NEDD1: variants seen among roughly 807,000 people sequenced by gnomAD.
NEDD1 encodes the protein NEDD1 gamma-tubulin ring complex targeting factor.
In NEDD1, 33 loss-of-function variants were observed where a neutral mutation model predicts 74.0. That is an observed-to-expected ratio of 0.45 (90% CI 0.34 to 0.60). NEDD1 has a LOEUF of 0.60. Among genes scored for constraint, NEDD1 ranks in the 20% least tolerant of loss-of-function variants. The probability of loss-of-function intolerance (pLI) is 0.01; values close to 1 mark genes in which losing one functional copy is unlikely to be tolerated. For synonymous variants in NEDD1, 250 were observed against 264.4 expected (o/e 0.95, Z 0.53); for missense variants, 746 against 776.5 (o/e 0.96, Z 0.47).
rs1465601091 is a variant in NEDD1, at chr12:96,907,717, G to T, written c.-148G>T. On this transcript the variant is annotated 5_prime_UTR_variant, in exon 2 of 16. Transcript: ENST00000266742. ...TTCATTTCAGCTGAGTGGTGTAGTTGAATTGGTTCCTGTAGCCGCTGTCCC... is the reference window on the plus strand; with the variant it reads ...TTCATTTCAGCTGAGTGGTGTAGTTTAATTGGTTCCTGTAGCCGCTGTCCC... The T allele has an allele frequency of 1.3e-6, 2 of 1,550,176 alleles. No homozygotes were observed. Among genetic ancestry groups the T allele is most frequent in the Non-Finnish European group, 1.7e-6 (2 of 1,146,372 alleles).
chr12:96,939,505 C>T (rs1353405840), intron 9 of NEDD1, among the ~76,000 whole-genome samples: 1 of 152,014 alleles, frequency 6.6e-6, no homozygotes, highest in African/African-American at 2.4e-5. Flanking sequence ...TTTGGATATG[C>T]AGGCTGTTCT....
At chr12:96,932,752 G>A (rs1340737820) in intron 6 of NEDD1, among the ~76,000 whole-genome samples, 1 of 151,430 alleles carries the variant, frequency 6.6e-6, no homozygotes, top group Non-Finnish European at 1.5e-5. Flanking sequence ...GGGTACATAA[G>A]CAATGATGAG....
In NEDD1 at chr12:96,929,674, C is replaced by T. The variant is rs1221741773; in HGVS notation, c.490-5302C>T. Among the ~76,000 whole-genome samples, 3 of 147,566 alleles carry T rather than the reference C, an allele frequency of 2.0e-5. No individual in the cohort carries two copies. The Admixed American group carries it at 2.1e-4, about 10-fold the overall frequency. ...TCTGGGGTTCCCTGACTCTGCTCTA[C>T]TTTTCCACCTGTCTGTGAACCTTTG... On this transcript the variant is annotated intron_variant, in intron 6 of 15. Transcript: ENST00000266742.
At chr12:96,914,328 T>C (rs1045346402) in intron 4 of NEDD1, among the ~76,000 whole-genome samples, 1 of 152,226 alleles carries the variant, frequency 6.6e-6, no homozygotes, top group Non-Finnish European at 1.5e-5. Context: ...GGGAGCTTTT[T>C]TTTTAAAGTA....
intron 3 of NEDD1, among the ~76,000 whole-genome samples, chr12:96,910,577 G>C (rs1873816444): frequency 6.6e-6 from 1 of 152,162 alleles, no homozygotes; most frequent in Non-Finnish European, 1.5e-5. Context: ...TGAACCCTGT[G>C]CTATTGACTT....
Position 96,907,703 on chromosome 12 carries a change from T to C in NEDD1, c.-162T>C. On this transcript the variant is annotated 5_prime_UTR_variant, in exon 2 of 16. Coordinates refer to ENST00000266742, the MANE Select transcript of NEDD1 (RefSeq NM_152905.4). ...AAAGTTGGAGAACTTTCATTTCAGC[T>C]GAGTGGTGTAGTTGAATTGGTTCCT... 1.3e-6 allele frequency: 2 copies of C among 1,551,164 alleles called. No homozygotes were observed. The highest frequency in any genetic ancestry group is 1.7e-6 in the Non-Finnish European group (2 of 1,146,822).
chr12:96,945,655 A>T (rs769229213), intron 13 of NEDD1, 38 bp from the exon 14 acceptor site: 21 of 1,341,600 alleles, frequency 1.6e-5, no homozygotes, highest in African/African-American at 4.3e-5. Flanking sequence ...CTCTCAGTCC[A>T]AGTTGACTAT....
chr12:96,945,708 C>A lies in NEDD1; in HGVS notation c.1670C>A (p.Ser557Tyr). ...TTTATTTTAGATCCAAAGATAGCATCTTCTGTCACTGCTGGAGTTGCCAGT... is the reference window on the plus strand; with the variant it reads ...TTTATTTTAGATCCAAAGATAGCATATTCTGTCACTGCTGGAGTTGCCAGT... ...GSSTPNPKIA[S>Y]SVTAGVASSL... is the part of the protein sequence containing the mutation. The change falls in exon 14 of 16, where the codon TCT becomes TAT. Residue 557 changes from serine to tyrosine, a missense_variant. By Grantham distance (144) the Ser-to-Tyr change is moderately radical (BLOSUM62 -2). This residue lies in a region of NEDD1 where 706 missense variants were observed against 706.7 expected (regional missense o/e 1.00). Coordinates refer to ENST00000266742, the MANE Select transcript of NEDD1 (RefSeq NM_152905.4). The A allele has an allele frequency of 6.3e-7, 1 of 1,598,594 alleles. No individual in the cohort carries two copies. The highest frequency in any genetic ancestry group is 8.6e-7 in the Non-Finnish European group (1 of 1,166,176).
chr12:96,920,478 CAG>C (rs1234716732), intron 6 of NEDD1, among the ~76,000 whole-genome samples: 4 of 152,096 alleles, frequency 2.6e-5, no homozygotes, highest in African/African-American at 9.7e-5. Context: ...AGCTGCAAGA[CAG>C]ATACACTCAT....
chr12:96,930,201 ACACACACACACTCTCT>A (rs1335618250), intron 6 of NEDD1, among the ~76,000 whole-genome samples: 397 of 62,262 alleles, frequency 6.4e-3, no homozygotes, highest in African/African-American at 0.022. Context: ...ACACACACAC[ACACACACACACTCTCT>A]CTCTCTCTCT....
chr12:96,943,695 G>C lies in NEDD1; in HGVS notation c.1430G>C (p.Arg477Pro). ...CCAGGGAAAGAGGAAAATGAAAACCGTGATCTAACAGCTGAGTCTAAGAAA... is the reference window on the plus strand; with the variant it reads ...CCAGGGAAAGAGGAAAATGAAAACCCTGATCTAACAGCTGAGTCTAAGAAA... ...GSPGKEENEN[R>P]DLTAESKKIY... The change falls in exon 12 of 16, where the codon CGT (arginine) becomes CCT (proline). Residue 477 changes from arginine to proline, a missense_variant. By Grantham distance (103) the Arg-to-Pro change is moderately radical. Coordinates refer to ENST00000266742, the MANE Select transcript of NEDD1 (RefSeq NM_152905.4). 1.2e-6 allele frequency: 2 copies of C among 1,612,502 alleles called. No homozygotes were observed. Among genetic ancestry groups the C allele is most frequent in the Non-Finnish European group, 1.7e-6 (2 of 1,178,814 alleles).
intron 12 of NEDD1, among the ~76,000 whole-genome samples, chr12:96,944,373 T>C (rs1482865025): frequency 6.6e-6 from 1 of 152,062 alleles, no homozygotes; most frequent in East Asian, 1.9e-4. Flanking sequence ...TTGCCAGTTA[T>C]CTCTATTTTA....
At chr12:96,931,244 G>A (rs1465768896) in intron 6 of NEDD1, among the ~76,000 whole-genome samples, 1 of 152,130 alleles carries the variant, frequency 6.6e-6, no homozygotes, top group East Asian at 1.9e-4. Flanking sequence ...TCTTATCTGT[G>A]CAAAGGGAAG....
chr12:96,930,033 G>A (rs1420285644), intron 6 of NEDD1, among the ~76,000 whole-genome samples: 5 of 152,040 alleles, frequency 3.3e-5, no homozygotes, highest in African/African-American at 1.2e-4. Flanking sequence ...ACTTATGGCT[G>A]TTAATTGTTT....
At chr12:96,916,042 A>G (rs1316545163) in intron 4 of NEDD1, among the ~76,000 whole-genome samples, 1 of 152,144 alleles carries the variant, frequency 6.6e-6, no homozygotes, top group African/African-American at 2.4e-5. Context: ...GGCAAGGAGA[A>G]TAGCTGTGTA....
At chr12:96,940,021 G>T (rs770060687) in intron 9 of NEDD1, among the ~76,000 whole-genome samples, 4 of 152,142 alleles carry the variant, frequency 2.6e-5, no homozygotes, top group Admixed American at 6.6e-5. Flanking sequence ...AATCACATTT[G>T]TAGATGATCA....
At chr12:96,939,359 A>C (rs1877438179) in intron 9 of NEDD1, among the ~76,000 whole-genome samples, 1 of 152,052 alleles carries the variant, frequency 6.6e-6, no homozygotes, top group Non-Finnish European at 1.5e-5. Context: ...AAAAAAGGAG[A>C]GGAAATTTCT....
intron 9 of NEDD1, among the ~76,000 whole-genome samples, chr12:96,939,960 A>T (rs2136599670): frequency 6.6e-6 from 1 of 152,148 alleles, no homozygotes; most frequent in South Asian, 2.1e-4. Context: ...ACATTAATTG[A>T]ATCCTGCTGT....
chr12:96,942,159 C>G (rs1877724426), intron 10 of NEDD1, among the ~76,000 whole-genome samples: 2 of 152,080 alleles, frequency 1.3e-5, no homozygotes, highest in African/African-American at 2.4e-5. Context: ...AATTGATCCT[C>G]AAAGCAATTT....
Sources: gnomAD v4.1 joint callset for allele counts (sites outside exome capture counted in the v4.1 genomes callset) on GRCh38, gnomAD v4.1.1 for gene constraint, gnomAD v4.1.1 regional missense constraint, MANE v1.5 for transcripts, NCBI Gene and HGNC (gene_info 2026-07-23, HGNC 2026-07-21) for gene names.